The following WASF2 variants were observed in gnomAD, a reference collection of about 807,000 sequenced individuals.
WASF2 encodes the protein actin-binding protein WASF2.
In WASF2, 14 loss-of-function variants were observed where a neutral mutation model predicts 45.0. That is an observed-to-expected ratio of 0.31 (90% CI 0.21 to 0.49). WASF2 has a LOEUF of 0.49. Ranked by LOEUF, WASF2 falls within the 20% of genes least tolerant of loss-of-function variation. The probability of loss-of-function intolerance (pLI) is 0.99; values close to 1 mark genes in which losing one functional copy is unlikely to be tolerated. For missense variants in WASF2, 439 were observed against 636.1 expected, an observed-to-expected ratio of 0.69 and a Z score of 3.33; for synonymous variants, 200 against 236.3, an observed-to-expected ratio of 0.85 and a Z score of 1.41.
At chr1:27,440,455 G>C (rs544864238) in intron 1 of WASF2, among the ~76,000 whole-genome samples, 1 of 151,944 alleles carries the variant, frequency 6.6e-6, no homozygotes, top group East Asian at 1.9e-4. Context: ...CCAGGAGGTC[G>C]AGGCTGCAGT....
rs187546013 is a variant in WASF2 at position 27,463,648 on chromosome 1, A to G, written c.-44+26338T>C. Reference sequence around the variant, plus strand: ...AAAAAAAAAAAAAAAAAAAAAAACTATGATACTGTCAGAGGCACCTGAGGT... The same window carrying G: ...AAAAAAAAAAAAAAAAAAAAAAACTGTGATACTGTCAGAGGCACCTGAGGT... On this transcript the variant is annotated intron_variant, in intron 1 of 8. Coordinates refer to ENST00000618852, the MANE Select transcript of WASF2 (RefSeq NM_006990.5). Among the ~76,000 whole-genome samples, 806 of 147,132 alleles carry G rather than the reference A, an allele frequency of 5.5e-3. 5 individuals are homozygous for G. Among genetic ancestry groups the G allele is most frequent in the Middle Eastern group, 0.025 (7 of 282 alleles).
At chr1:27,445,357 G>A (rs1400863316) in intron 1 of WASF2, among the ~76,000 whole-genome samples, 1 of 152,166 alleles carries the variant, frequency 6.6e-6, no homozygotes, top group African/African-American at 2.4e-5. Flanking sequence ...AGGTCCAACT[G>A]TGTCCAAACT....
chr1:27,455,566 T>C (rs563280066), intron 1 of WASF2, among the ~76,000 whole-genome samples: 2 of 152,354 alleles, frequency 1.3e-5, no homozygotes, highest in South Asian at 2.1e-4. Flanking sequence ...CATACTTGTT[T>C]AGCCTCATCT....
chr1:27,409,582 A>C (rs2016731812), intron 8 of WASF2, 110 bp downstream of exon 8: 1 of 1,337,556 alleles, frequency 7.5e-7, no homozygotes, highest in South Asian at 2.9e-5. Flanking sequence ...CACCCAATGA[A>C]AGCCGTTTCC....
At chr1:27,487,636 A>ATATTATATATTATATATATTTTATACAAT (rs1557626649) in intron 1 of WASF2, among the ~76,000 whole-genome samples, 19 of 81,200 alleles carry the variant, frequency 2.3e-4, no homozygotes, top group African/African-American at 8.5e-4. Context: ...TACAATATAT[A>ATATTATATATTATATATATTTTATACAAT]ATATATATTA....
intron 2 of WASF2, among the ~76,000 whole-genome samples, chr1:27,426,931 C>T (rs2016989329): frequency 1.3e-5 from 2 of 152,236 alleles, no homozygotes; most frequent in South Asian, 4.2e-4. Flanking sequence ...CTTATCCAAA[C>T]CTGGCATAAA....
At chr1:27,480,174 C>A (rs961098570) in intron 1 of WASF2, among the ~76,000 whole-genome samples, 6 of 152,176 alleles carry the variant, frequency 3.9e-5, no homozygotes, top group African/African-American at 1.4e-4. Flanking sequence ...TTCTTCTACA[C>A]AGTTAAACAA....
In WASF2 at chr1:27,428,946, T is replaced by A; in HGVS notation, c.-43-13A>T. ...GGTGAAAAACAACCTAAAAAAGAAA[T>A]AACAGGAAAGTATTACTCAACCACA... is the stretch of plus-strand genomic sequence containing the variant. On this transcript the variant is annotated splice_polypyrimidine_tract_variant and intron_variant, in intron 1 of 8. Transcript: ENST00000618852. 6.3e-7 allele frequency: 1 copy of A among 1,575,020 alleles called. No individual in the cohort carries two copies.
chr1:27,471,110 C>T (rs1240312021), intron 1 of WASF2, among the ~76,000 whole-genome samples: 2 of 151,846 alleles, frequency 1.3e-5, no homozygotes, highest in Non-Finnish European at 2.9e-5. Context: ...TTTGGGAGGC[C>T]GAGGCGGGCG....
At chr1:27,486,785 G>A (rs1160805793) in intron 1 of WASF2, among the ~76,000 whole-genome samples, 2 of 151,858 alleles carry the variant, frequency 1.3e-5, no homozygotes, top group Non-Finnish European at 2.9e-5. Context: ...TTAGCCAGGC[G>A]TGGCGGTGCA....
intron 2 of WASF2, among the ~76,000 whole-genome samples, chr1:27,422,137 C>T (rs1389053742): frequency 1.3e-5 from 2 of 151,602 alleles, no homozygotes; most frequent in Non-Finnish European, 2.9e-5. Flanking sequence ...GAAGTAGAGG[C>T]TCAGTGTGGC....
rs2016659306 is a variant in WASF2 at position 27,405,598 on chromosome 1, CCTTTTTTTTTTTTTTTTT to C, written c.*2573_*2590del. On this transcript the variant is annotated 3_prime_UTR_variant, in exon 9 of 9. Transcript: ENST00000618852. ...TTAAAGGGCTCTGGGTCTAAAGAAG[CCTTTTTTTTTTTTTTTTT>C]TTTTTTTTTTTTTTTGGTGCATATG... The C allele has an allele frequency of 1.1e-5, 1 of 92,742 alleles. No homozygotes were observed. Among genetic ancestry groups the C allele is most frequent in the African/African-American group, 4.2e-5 (1 of 23,856 alleles). The allele number at this position is 92,742 out of a possible 1,614,324, so 5.7% of individuals were successfully genotyped here. A position where few individuals can be genotyped will look rare whatever the true frequency, so the allele number is the denominator to read the frequency against.
chr1:27,427,896 T>C (rs1195023282), intron 2 of WASF2, among the ~76,000 whole-genome samples: 4 of 152,058 alleles, frequency 2.6e-5, no homozygotes, highest in Non-Finnish European at 5.9e-5. Context: ...ACTAGATAAA[T>C]GCAGAGCCAA....
chr1:27,435,251 T>C (rs2017121345), intron 1 of WASF2, among the ~76,000 whole-genome samples: 1 of 151,290 alleles, frequency 6.6e-6, no homozygotes, highest in Non-Finnish European at 1.5e-5. Flanking sequence ...CAGCCTATCA[T>C]GGAATACTTT....
chr1:27,487,756 G>A (rs1236797681), intron 1 of WASF2, among the ~76,000 whole-genome samples: 1 of 125,008 alleles, frequency 8.0e-6, no homozygotes, highest in Non-Finnish European at 1.6e-5. Flanking sequence ...ATTATATAAT[G>A]TATATTATAT....
At position 27,408,161 on chromosome 1, in the gene WASF2, AAAG is replaced by A; in HGVS notation, c.*25_*27del. 1.2e-6 allele frequency: 2 copies of A among 1,601,332 alleles called. No individual in the cohort carries two copies. The highest frequency in any genetic ancestry group is 1.1e-5 in the South Asian group (1 of 89,994). ...AAGAAGGCAGGTAGGAAGGAAAGAAAAAGAAGGTGGGCAGCAGGCAGAAAGAGT... is the reference window on the plus strand; with the variant it reads ...AAGAAGGCAGGTAGGAAGGAAAGAAAAAGGTGGGCAGCAGGCAGAAAGAGT... On this transcript the variant is annotated 3_prime_UTR_variant, in exon 9 of 9. Transcript: ENST00000618852.
At chr1:27,435,592 T>TTTC (rs2017126300) in intron 1 of WASF2, among the ~76,000 whole-genome samples, 1 of 149,122 alleles carries the variant, frequency 6.7e-6, no homozygotes, top group Non-Finnish European at 1.5e-5. Flanking sequence ...TCCACCCTAC[T>TTTC]TTCTGAACTC....
chr1:27,409,326 G>A (rs1052452716), intron 8 of WASF2, among the ~76,000 whole-genome samples: 3 of 149,634 alleles, frequency 2.0e-5, no homozygotes, highest in Non-Finnish European at 3.0e-5. Context: ...TCCGGAGGCT[G>A]AGGCAGGAGA....
chr1:27,482,725 T>C (rs1013503544), intron 1 of WASF2, among the ~76,000 whole-genome samples: 1 of 152,196 alleles, frequency 6.6e-6, no homozygotes, highest in Non-Finnish European at 1.5e-5. Context: ...CACCTCCTGA[T>C]TTTTCTCATT....
Sources: allele counts gnomAD v4.1 joint callset (sites outside exome capture counted in the v4.1 genomes callset), GRCh38; gene constraint gnomAD v4.1.1; transcripts MANE v1.5; gene names NCBI Gene and HGNC (gene_info 2026-07-23, HGNC 2026-07-21).